The following TRMT10B variants were observed in gnomAD, a reference collection of about 807,000 sequenced individuals.
TRMT10B encodes tRNA methyltransferase 10B, also known as tRNA methyltransferase 10 homolog B.
In TRMT10B, 33 loss-of-function variants were observed where a neutral mutation model predicts 43.8. That is an observed-to-expected ratio of 0.75 (90% CI 0.57 to 1.01). The LOEUF (loss-of-function observed/expected upper bound fraction) is 1.01. TRMT10B is among the 50% of genes least tolerant of loss of function. The pLI is 0.00. For missense variants in TRMT10B, 362 were observed against 369.8 expected (o/e 0.98, Z 0.17); for synonymous variants, 137 against 130.6 (o/e 1.05, Z -0.34).
intron 7 of TRMT10B, among the ~76,000 whole-genome samples, chr9:37,773,104 G>T (rs1228332196): frequency 6.6e-6 from 1 of 152,110 alleles, no homozygotes; most frequent in Non-Finnish European, 1.5e-5. Flanking sequence ...ACTTTGAAAT[G>T]GTTTGGCAAA....
At position 37,777,698 on chromosome 9, in the gene TRMT10B, A is replaced by C. The variant is rs1166526842; in HGVS notation, c.942A>C (p.Ser314=). 3 of 1,613,590 alleles carry C rather than the reference A, an allele frequency of 1.9e-6. No individual in the cohort carries two copies. The highest frequency in any genetic ancestry group is 2.5e-6 in the Non-Finnish European group (3 of 1,179,686). ...GAAAAGGCTATATTCTTCGGAACTC[A>C]GTGGAATGATGGGCCTAAGATTGCA... ...SSGKGYILRN[S]VE The change falls in exon 9 of 9, where the codon TCA becomes TCC. Residue 314 remains serine (S), a synonymous_variant. Transcript: ENST00000297994.
At chr9:37,763,494 T>A in intron 3 of TRMT10B, 135 bp from the exon 4 acceptor site, 1 of 711,324 alleles carries the variant, frequency 1.4e-6, no homozygotes. Flanking sequence ...TGTGTAAATC[T>A]TCTAATGAAC....
intron 7 of TRMT10B, among the ~76,000 whole-genome samples, chr9:37,772,700 T>C (rs1432605832): frequency 1.3e-5 from 2 of 152,120 alleles, no homozygotes; most frequent in Non-Finnish European, 2.9e-5. Flanking sequence ...TAAAAGAGGT[T>C]CGTCCAGGCA....
chr9:37,774,081 A>G (rs775786901), intron 7 of TRMT10B, among the ~76,000 whole-genome samples: 12 of 152,038 alleles, frequency 7.9e-5, no homozygotes, highest in Non-Finnish European at 1.6e-4. Flanking sequence ...GCTGGAGGGC[A>G]GTGGCACAAT....
In TRMT10B at chr9:37,763,621, T is replaced by C; in HGVS notation, c.296-8T>C. On this transcript the variant is annotated splice_region_variant and splice_polypyrimidine_tract_variant and intron_variant, in intron 3 of 8. Coordinates refer to ENST00000297994, the MANE Select transcript of TRMT10B (RefSeq NM_144964.4). ...CACTTTTATTTCTTTCTGATATTTCTGCTTTAGGCATTTGCCCCCAGCACA... is the reference window on the plus strand; with the variant it reads ...CACTTTTATTTCTTTCTGATATTTCCGCTTTAGGCATTTGCCCCCAGCACA... 1.9e-6 allele frequency: 3 copies of C among 1,611,206 alleles called. No homozygotes were observed. The highest frequency in any genetic ancestry group is 1.3e-5 in the African/African-American group (1 of 74,910).
intron 3 of TRMT10B, among the ~76,000 whole-genome samples, chr9:37,763,173 A>ACAC (rs1826600432): frequency 7.2e-6 from 1 of 138,554 alleles, no homozygotes; most frequent in African/African-American, 2.7e-5. Flanking sequence ...AAACAAAAAA[A>ACAC]AAAATTTAAG....
chr9:37,754,598 C>T lies in TRMT10B; in HGVS notation c.-30+746C>T, dbSNP rs950325760. The stretch of plus-strand genomic sequence containing the variant: ...GGTGTACAGGTGAATTCTTCCAATT[C>T]TTCCCTGGGTTTATAATCTAGTGGG... On this transcript the variant is annotated intron_variant, in intron 1 of 8. Transcript: ENST00000297994. 3.3e-5 allele frequency among the ~76,000 whole-genome samples: 5 copies of T among 152,080 alleles called. 1 individual carries two copies. The highest frequency in any genetic ancestry group is 9.7e-5 in the African/African-American group (4 of 41,378).
At chr9:37,774,417 G>A (rs1349822771) in intron 7 of TRMT10B, among the ~76,000 whole-genome samples, 3 of 152,170 alleles carry the variant, frequency 2.0e-5, no homozygotes, top group East Asian at 3.8e-4. Flanking sequence ...AAAAATAACT[G>A]GAAGATTTGT....
At chr9:37,755,629 T>G (rs1825575869) in intron 1 of TRMT10B, among the ~76,000 whole-genome samples, 1 of 152,242 alleles carries the variant, frequency 6.6e-6, no homozygotes, top group Non-Finnish European at 1.5e-5. Flanking sequence ...GGCCCCGCCT[T>G]CAGGAGTGTT....
chr9:37,753,667 C>A (rs949555931), upstream of TRMT10B: 5 of 152,236 alleles, frequency 3.3e-5, no homozygotes, highest in Non-Finnish European at 2.9e-5. Context: ...GACGCAGCTC[C>A]CTACCGCCAG....
chr9:37,777,870 T>C lies in TRMT10B; in HGVS notation c.*163T>C. The C allele has an allele frequency of 3.8e-6, 2 of 530,500 alleles. No homozygotes were observed. The highest frequency in any genetic ancestry group is 6.1e-5 in the Admixed American group (2 of 32,926). The allele number at this position is 530,500 out of a possible 1,614,324, so 32.9% of individuals were successfully genotyped here. On this transcript the variant is annotated 3_prime_UTR_variant, in exon 9 of 9. Transcript: ENST00000297994. Reference sequence around the variant, plus strand: ...AAATACAAAAATTAGCCAGGTGTGGTGGCGCATACCTGTAGTCCCAGCTAC... The same window carrying C: ...AAATACAAAAATTAGCCAGGTGTGGCGGCGCATACCTGTAGTCCCAGCTAC...
upstream of TRMT10B, among the ~76,000 whole-genome samples, chr9:37,753,209 T>C (rs936052537): frequency 6.6e-6 from 1 of 152,202 alleles, no homozygotes; most frequent in African/African-American, 2.4e-5. Context: ...TCTTTAAGAA[T>C]TGTAACACCG....
At chr9:37,763,824 G>A (rs1161432965) in intron 4 of TRMT10B, 71 bp downstream of exon 4, 3 of 1,610,582 alleles carry the variant, frequency 1.9e-6, no homozygotes, top group South Asian at 2.2e-5. Flanking sequence ...GCTTTCCGAA[G>A]AATATGGTCA....
chr9:37,756,418 A>C (rs943956782), intron 1 of TRMT10B, among the ~76,000 whole-genome samples: 8 of 152,128 alleles, frequency 5.3e-5, no homozygotes, highest in African/African-American at 1.7e-4. Flanking sequence ...TTTAAAAAAA[A>C]AAAAATGGCT....
At chr9:37,772,544 G>A (rs956732147) in intron 7 of TRMT10B, among the ~76,000 whole-genome samples, 1 of 152,164 alleles carries the variant, frequency 6.6e-6, no homozygotes, top group African/African-American at 2.4e-5. Flanking sequence ...GCATCCCAGA[G>A]TGCTGGGATT....
rs372334915 is a variant in TRMT10B at position 37,762,126 on chromosome 9, G to A, written c.186+9G>A. 3.7e-6 allele frequency: 6 copies of A among 1,608,006 alleles called. No individual in the cohort carries two copies. The highest frequency in any genetic ancestry group is 1.3e-5 in the African/African-American group (1 of 74,816). The stretch of plus-strand genomic sequence containing the variant: ...GTACGGCATGGTGCTCGGTGAGTGC[G>A]TGAATTGCCTGGCCATAGGCCTTGA... On this transcript the variant is annotated intron_variant, in intron 2 of 8. Coordinates refer to ENST00000297994, the MANE Select transcript of TRMT10B (RefSeq NM_144964.4).
upstream of TRMT10B, among the ~76,000 whole-genome samples, chr9:37,753,039 T>TG (rs1342136915): frequency 1.3e-5 from 2 of 152,102 alleles, no homozygotes; most frequent in Middle Eastern, 3.4e-3. Flanking sequence ...TTGCAGCTCT[T>TG]TCTTGAGGCC....
At chr9:37,763,876 T>G in intron 4 of TRMT10B, 123 bp downstream of exon 4, 1 of 1,569,968 alleles carries the variant, frequency 6.4e-7, no homozygotes, top group Non-Finnish European at 8.6e-7. Context: ...GTAAAGTGTT[T>G]GATTTTCTAT....
In TRMT10B at chr9:37,762,484, T is replaced by A. The variant is rs1004417175; in HGVS notation, c.187-93T>A. On this transcript the variant is annotated intron_variant, in intron 2 of 8. Transcript: ENST00000297994. ...CCTCTTTCTCTCCAAACTATATATA[T>A]AAATAAGAAAAAAGCAAATGTTTCT... The A allele has an allele frequency of 1.3e-5, 19 of 1,477,318 alleles. 1 individual carries two copies. The highest frequency in any genetic ancestry group is 1.6e-5 in the Non-Finnish European group (18 of 1,109,222). 91.5% of individuals were successfully genotyped at this position (1,477,318 alleles called of 1,614,324 possible). A position where few individuals can be genotyped will look rare whatever the true frequency, so the allele number is the denominator to read the frequency against.
Sources: gnomAD v4.1 joint callset for allele counts (sites outside exome capture counted in the v4.1 genomes callset) on GRCh38, gnomAD v4.1.1 for gene constraint, MANE v1.5 for transcripts, NCBI Gene and HGNC (gene_info 2026-07-23, HGNC 2026-07-21) for gene names.